The following ADAMTS6 variants were observed in gnomAD, a reference collection of about 807,000 sequenced individuals.
The protein encoded by ADAMTS6 is A disintegrin and metalloproteinase with thrombospondin motifs 6.
ADAMTS6 carries 23 observed loss-of-function variants against 144.3 expected under a neutral mutation model. The observed-to-expected ratio is 0.16, with a 90% CI of 0.11 to 0.23. The LOEUF (loss-of-function observed/expected upper bound fraction) is 0.23, where lower values mean the gene tolerates loss of function less well. Among genes scored for constraint, ADAMTS6 ranks in the 10% least tolerant of loss-of-function variants. ADAMTS6 has a pLI of 1.00. For missense variants in ADAMTS6, 999 were observed against 1,379.6 expected (o/e 0.72, Z 4.37); for synonymous variants, 444 against 457.5 (o/e 0.97, Z 0.38).
chr5:65,277,816 C>T (rs1253465834), intron 11 of ADAMTS6, among the ~76,000 whole-genome samples: 2 of 152,060 alleles, frequency 1.3e-5, no homozygotes, highest in African/African-American at 2.4e-5. Flanking sequence ...CTGAATGACC[C>T]GCTGCCCAAG....
chr5:65,191,689 T>TA (rs1455314546), intron 21 of ADAMTS6, among the ~76,000 whole-genome samples: 2 of 152,172 alleles, frequency 1.3e-5, no homozygotes, highest in East Asian at 1.9e-4. Flanking sequence ...AAAAAGTTGT[T>TA]AAAAAAATAA....
chr5:65,243,462 C>T (rs1759367769), intron 14 of ADAMTS6, among the ~76,000 whole-genome samples: 1 of 152,106 alleles, frequency 6.6e-6, no homozygotes, highest in Non-Finnish European at 1.5e-5. Context: ...AAAATAGTGG[C>T]AGCAGGTTCA....
chr5:65,391,858 C>T (rs1040445863), intron 7 of ADAMTS6, among the ~76,000 whole-genome samples: 19 of 152,026 alleles, frequency 1.2e-4, no homozygotes, highest in African/African-American at 3.9e-4. Flanking sequence ...GCCTCAGCCT[C>T]CCAAGTAGCT....
At chr5:65,396,350 A>C (rs1458521838) in intron 7 of ADAMTS6, among the ~76,000 whole-genome samples, 1 of 152,216 alleles carries the variant, frequency 6.6e-6, no homozygotes, top group African/African-American at 2.4e-5. Flanking sequence ...TTCAGAAAGA[A>C]ACTTTAAAAT....
chr5:65,468,552 A>C (rs1760202141), intron 3 of ADAMTS6, among the ~76,000 whole-genome samples: 1 of 150,870 alleles, frequency 6.6e-6, no homozygotes, highest in South Asian at 2.1e-4. Context: ...CTGCCAAGGG[A>C]AAAAATAGTA....
intron 22 of ADAMTS6, among the ~76,000 whole-genome samples, chr5:65,182,443 C>CA (rs1216237939): frequency 0.081 from 4,509 of 55,416 alleles, 229 homozygotes; most frequent in African/African-American, 0.15. Context: ...GACTCCATCT[C>CA]AAAAAAAAAA....
At chr5:65,197,810 C>T (rs1755484044) in intron 20 of ADAMTS6, among the ~76,000 whole-genome samples, 1 of 152,146 alleles carries the variant, frequency 6.6e-6, no homozygotes, top group Non-Finnish European at 1.5e-5. Context: ...ATACACAGTT[C>T]ATTCAAATAT....
At chr5:65,364,888 G>A (rs903118898) in intron 7 of ADAMTS6, among the ~76,000 whole-genome samples, 1 of 149,750 alleles carries the variant, frequency 6.7e-6, no homozygotes, top group Non-Finnish European at 1.5e-5. Flanking sequence ...TTTCTTACAG[G>A]CTACTTATTA....
At chr5:65,283,681 T>C (rs189785390) in intron 11 of ADAMTS6, among the ~76,000 whole-genome samples, 5 of 152,270 alleles carry the variant, frequency 3.3e-5, no homozygotes, top group Admixed American at 6.5e-5. Context: ...TAAACCTGTA[T>C]AAAACAACAC....
At chr5:65,256,752 C>G in intron 14 of ADAMTS6, among the ~76,000 whole-genome samples, 1 of 151,974 alleles carries the variant, frequency 6.6e-6, no homozygotes, top group East Asian at 1.9e-4. Flanking sequence ...GTACGCCCAA[C>G]CCTGCAATTA....
intron 3 of ADAMTS6, among the ~76,000 whole-genome samples, chr5:65,462,369 GA>G (rs1052765458): frequency 1.3e-5 from 2 of 152,190 alleles, no homozygotes; most frequent in African/African-American, 4.8e-5. Context: ...ATTTGCTGGG[GA>G]AAAATGAAGT....
chr5:65,465,127 T>C (rs187053579), intron 3 of ADAMTS6, among the ~76,000 whole-genome samples: 4 of 152,354 alleles, frequency 2.6e-5, no homozygotes, highest in Non-Finnish European at 5.9e-5. Flanking sequence ...ATTTTAACTG[T>C]AACTGTAATG....
At chr5:65,234,246 C>A (rs1486002211) in intron 15 of ADAMTS6, among the ~76,000 whole-genome samples, 2 of 151,600 alleles carry the variant, frequency 1.3e-5, no homozygotes, top group Non-Finnish European at 1.5e-5. Context: ...GATATGACAC[C>A]AAAAGCACAG....
chr5:65,225,077 CAA>C, intron 16 of ADAMTS6, 30 bp from the exon 17 acceptor site: 1 of 1,595,038 alleles, frequency 6.3e-7, no homozygotes, highest in Non-Finnish European at 8.5e-7. Context: ...TTCAGTGTGT[CAA>C]GAGAGAAATT....
At chr5:65,291,174 G>A (rs1227944243) in intron 11 of ADAMTS6, among the ~76,000 whole-genome samples, 155 bp downstream of exon 11, 1 of 152,050 alleles carries the variant, frequency 6.6e-6, no homozygotes, top group Non-Finnish European at 1.5e-5. Flanking sequence ...AAAAAATATT[G>A]TACATATGAT....
At chr5:65,155,418 G>T (rs1326392731) in intron 24 of ADAMTS6, among the ~76,000 whole-genome samples, 1 of 152,066 alleles carries the variant, frequency 6.6e-6, no homozygotes, top group African/African-American at 2.4e-5. Flanking sequence ...TTGCTCCTGG[G>T]CTACAAACCT....
intron 22 of ADAMTS6, among the ~76,000 whole-genome samples, chr5:65,179,709 C>T (rs1754216570): frequency 6.6e-6 from 1 of 151,992 alleles, no homozygotes; most frequent in Admixed American, 6.5e-5. Flanking sequence ...ATGAAATAGT[C>T]TCTACCCTCA....
intron 7 of ADAMTS6, among the ~76,000 whole-genome samples, chr5:65,394,083 A>T (rs761552582): frequency 1.3e-4 from 20 of 152,162 alleles, no homozygotes; most frequent in Non-Finnish European, 2.5e-4. Context: ...ATATAATGTG[A>T]CTTTGACATT....
intron 7 of ADAMTS6, among the ~76,000 whole-genome samples, chr5:65,410,559 C>T (rs1402084829): frequency 6.6e-6 from 1 of 152,052 alleles, no homozygotes; most frequent in Non-Finnish European, 1.5e-5. Context: ...TATACCATTG[C>T]AATTTTCAAG....
Sources: allele counts gnomAD v4.1 joint callset (sites outside exome capture counted in the v4.1 genomes callset), GRCh38; gene constraint gnomAD v4.1.1; transcripts MANE v1.5; gene names NCBI Gene and HGNC (gene_info 2026-07-23, HGNC 2026-07-21).